ATP8B4: variants seen among roughly 807,000 people sequenced by gnomAD.
The protein encoded by ATP8B4 is ATPase phospholipid transporting 8B4 (putative).
ATP8B4 carries 133 observed loss-of-function variants against 145.6 expected under a neutral mutation model. The observed-to-expected ratio is 0.91, with a 90% CI of 0.79 to 1.05. The LOEUF (loss-of-function observed/expected upper bound fraction) is 1.05. Ranked by LOEUF, ATP8B4 falls within the 50% of genes least tolerant of loss-of-function variation. The probability of loss-of-function intolerance (pLI) is 0.00; values close to 1 mark genes in which losing one functional copy is unlikely to be tolerated. For missense variants in ATP8B4, 1,458 were observed against 1,425.2 expected (o/e 1.02, Z -0.37); for synonymous variants, 507 against 492.9 (o/e 1.03, Z -0.38).
chr15:50,062,953 T>C (rs1175223914), intron 3 of ATP8B4, among the ~76,000 whole-genome samples: 1 of 152,088 alleles, frequency 6.6e-6, no homozygotes, highest in African/African-American at 2.4e-5. Context: ...ATATCACACA[T>C]GGTACTAAGT....
chr15:50,124,342 T>C (rs2057293460), intron 1 of ATP8B4, among the ~76,000 whole-genome samples: 1 of 152,094 alleles, frequency 6.6e-6, no homozygotes, highest in Non-Finnish European at 1.5e-5. Context: ...GACTGACCCA[T>C]TGTTGGTAGT....
At chr15:49,951,176 G>C (rs541500204) in intron 14 of ATP8B4, among the ~76,000 whole-genome samples, 7 of 152,328 alleles carry the variant, frequency 4.6e-5, no homozygotes, top group Admixed American at 1.3e-4. Context: ...ATATTCTGTT[G>C]ATCTGGGGTA....
At position 50,056,090 on chromosome 15, in the gene ATP8B4, CTCA is replaced by C. The variant is rs113316511; in HGVS notation, c.88-8629_88-8627del. Among the ~76,000 whole-genome samples the C allele has an allele frequency of 3.0e-4, 45 of 152,244 alleles. No individual in the cohort carries two copies. The South Asian group carries it at 9.1e-3, about 31-fold the overall frequency. ...AGTGTGTCAATCAATACTGACTACA[CTCA>C]TCATCACCACCACCACCACCACCAT... On this transcript the variant is annotated intron_variant, in intron 3 of 27. Coordinates refer to ENST00000284509, the MANE Select transcript of ATP8B4 (RefSeq NM_024837.4).
chr15:50,028,493 G>A (rs1460901173), intron 6 of ATP8B4, among the ~76,000 whole-genome samples: 1 of 152,148 alleles, frequency 6.6e-6, no homozygotes, highest in African/African-American at 2.4e-5. Context: ...TGCAGAGCCT[G>A]TATACTGACA....
intron 25 of ATP8B4, among the ~76,000 whole-genome samples, chr15:49,873,747 C>T (rs988063410): frequency 6.6e-6 from 1 of 152,076 alleles, no homozygotes; most frequent in South Asian, 2.1e-4. Flanking sequence ...GTGTGGCGAC[C>T]GCAGCACATC....
chr15:50,181,764 A>G (rs1261486327), intron 1 of ATP8B4, among the ~76,000 whole-genome samples: 1 of 152,218 alleles, frequency 6.6e-6, no homozygotes, highest in Non-Finnish European at 1.5e-5. Flanking sequence ...GACCAGGCGG[A>G]AAGCCCTTGG....
chr15:50,057,400 C>A (rs2153618764), intron 3 of ATP8B4, among the ~76,000 whole-genome samples: 1 of 152,258 alleles, frequency 6.6e-6, no homozygotes, highest in South Asian at 2.1e-4. Context: ...TGTGTTCTCC[C>A]AAATGGTGTT....
intron 9 of ATP8B4, among the ~76,000 whole-genome samples, chr15:49,995,646 A>G (rs937289119): frequency 6.6e-6 from 1 of 152,190 alleles, no homozygotes. Context: ...ACTTTACAAT[A>G]TAAACTTGCC....
At chr15:50,091,694 A>C (rs2055622064) in intron 2 of ATP8B4, among the ~76,000 whole-genome samples, 1 of 152,140 alleles carries the variant, frequency 6.6e-6, no homozygotes. Flanking sequence ...CCATTTTCTT[A>C]TTCAACTTAA....
At chr15:50,044,841 G>A (rs2051598110) in intron 4 of ATP8B4, 149 bp from the exon 5 acceptor site, 3 of 574,952 alleles carry the variant, frequency 5.2e-6, no homozygotes, top group Non-Finnish European at 8.8e-6. Flanking sequence ...GTTTGTATTT[G>A]GTTATAAGAC....
At chr15:50,088,713 G>C (rs2055387992) in intron 2 of ATP8B4, among the ~76,000 whole-genome samples, 1 of 152,200 alleles carries the variant, frequency 6.6e-6, no homozygotes, top group African/African-American at 2.4e-5. Context: ...GCTCCATGCA[G>C]GTTGAGGGCT....
intron 7 of ATP8B4, among the ~76,000 whole-genome samples, chr15:50,004,396 T>A (rs1479391786): frequency 6.6e-6 from 1 of 152,122 alleles, no homozygotes; most frequent in Non-Finnish European, 1.5e-5. Context: ...TTGCCAGAAG[T>A]GCTGTGCCAG....
chr15:49,956,746 T>C (rs1273869205), intron 14 of ATP8B4, among the ~76,000 whole-genome samples: 2 of 152,100 alleles, frequency 1.3e-5, no homozygotes, highest in Non-Finnish European at 1.5e-5. Flanking sequence ...AGGGTCTCAC[T>C]ATGTTGCCCA....
At chr15:50,007,772 T>C (rs1034877035) in intron 7 of ATP8B4, among the ~76,000 whole-genome samples, 1 of 152,096 alleles carries the variant, frequency 6.6e-6, no homozygotes, top group Non-Finnish European at 1.5e-5. Context: ...CAGGGAGATA[T>C]ATTAGTACTC....
intron 14 of ATP8B4, among the ~76,000 whole-genome samples, chr15:49,952,652 G>A (rs1363699343): frequency 1.3e-5 from 2 of 152,036 alleles, no homozygotes; most frequent in Non-Finnish European, 2.9e-5. Flanking sequence ...CACTCCTTTA[G>A]CTCATCATAG....
intron 17 of ATP8B4, 44 bp downstream of exon 17, chr15:49,923,335 T>C: frequency 7.3e-7 from 1 of 1,362,434 alleles, no homozygotes; most frequent in South Asian, 1.2e-5. Flanking sequence ...CCATAGGAGA[T>C]GGCAAAAGGG....
rs536475233 is a variant in ATP8B4, at chr15:50,172,886, G to T, written c.-43+9375C>A. 3.5e-3 allele frequency among the ~76,000 whole-genome samples: 537 copies of T among 151,864 alleles called. 3 individuals carry two copies. Among genetic ancestry groups the T allele is most frequent in the Middle Eastern group, 0.01 (3 of 292 alleles). ...TCTGACCGGCCGCCCCGTCTGAGAA[G>T]TGAGGAGCCCCTCCGTCCGGCAGCC... On this transcript the variant is annotated intron_variant, in intron 1 of 3. Transcript: ENST00000558829.
At chr15:50,141,683 A>T (rs1399403429) in intron 1 of ATP8B4, among the ~76,000 whole-genome samples, 1 of 152,196 alleles carries the variant, frequency 6.6e-6, no homozygotes, top group Non-Finnish European at 1.5e-5. Context: ...ATTTAATTTT[A>T]AATTTATTAA....
chr15:50,181,425 G>A (rs1231952725), intron 1 of ATP8B4, among the ~76,000 whole-genome samples: 1 of 152,220 alleles, frequency 6.6e-6, no homozygotes, highest in South Asian at 2.1e-4. Flanking sequence ...TTCTCTGACA[G>A]AGCCACTTAT....
Sources: allele counts gnomAD v4.1 joint callset (sites outside exome capture counted in the v4.1 genomes callset), GRCh38; gene constraint gnomAD v4.1.1; transcripts MANE v1.5; gene names NCBI Gene and HGNC (gene_info 2026-07-23, HGNC 2026-07-21).